PYROXD1: variants seen among roughly 807,000 people sequenced by gnomAD.
PYROXD1 encodes the protein pyridine nucleotide-disulphide oxidoreductase domain 1.
Under a neutral mutation model 62.0 loss-of-function variants are expected in PYROXD1, and 42 were observed. The ratio of observed to expected loss-of-function variants is 0.68; its 90% CI spans 0.53 to 0.88. The LOEUF (loss-of-function observed/expected upper bound fraction) is 0.88, where lower values mean the gene tolerates loss of function less well. PYROXD1 is among the 40% of genes least tolerant of loss of function. The pLI, the probability that PYROXD1 is intolerant of heterozygous loss-of-function variation, is 0.00. For missense variants in PYROXD1, 493 were observed against 604.8 expected, an observed-to-expected ratio of 0.82 and a Z score of 1.94; for synonymous variants, 170 against 206.4, an observed-to-expected ratio of 0.82 and a Z score of 1.51.
intron 7 of PYROXD1, among the ~76,000 whole-genome samples, chr12:21,456,691 A>G (rs1433107482): frequency 6.6e-6 from 1 of 152,138 alleles, no homozygotes; most frequent in African/African-American, 2.4e-5. Flanking sequence ...TTCTTAAAAT[A>G]ACAAGTTTGC....
At chr12:21,442,027 T>C (rs1591935743) in intron 2 of PYROXD1, among the ~76,000 whole-genome samples, 3 of 152,236 alleles carry the variant, frequency 2.0e-5, no homozygotes, top group East Asian at 3.8e-4. Flanking sequence ...CATCCAACTC[T>C]GGATGTCTGC....
At chr12:21,442,518 G>A (rs1277239016) in intron 2 of PYROXD1, among the ~76,000 whole-genome samples, 1 of 152,190 alleles carries the variant, frequency 6.6e-6, no homozygotes, top group Non-Finnish European at 1.5e-5. Context: ...AGCTTACTAT[G>A]GTGATGGCTC....
intron 10 of PYROXD1, among the ~76,000 whole-genome samples, chr12:21,464,929 T>G (rs1942764944): frequency 6.6e-6 from 1 of 152,162 alleles, no homozygotes. Flanking sequence ...GTTTGGTTTT[T>G]TGTCCTTGCA....
At chr12:21,438,035 A>G in intron 1 of PYROXD1, 1 of 577,396 alleles carries the variant, frequency 1.7e-6, no homozygotes, top group Non-Finnish European at 3.1e-6. Context: ...GGCAAATTAT[A>G]GCCGAGAAAC....
chr12:21,453,198 T>TAC (rs1942533999), intron 5 of PYROXD1, among the ~76,000 whole-genome samples: 1 of 152,116 alleles, frequency 6.6e-6, no homozygotes, highest in Non-Finnish European at 1.5e-5. Context: ...TAATTGTTAT[T>TAC]TACATTTAAA....
rs1461282509 is a variant in PYROXD1, at chr12:21,437,824, T to A, written c.84+10T>A. ...CACTTGTGCGGAGCAGGTAGGGCGG[T>A]GCTCAGGCGGTTCCGCCTCTTTCCC... On this transcript the variant is annotated intron_variant, in intron 1 of 11. Coordinates refer to ENST00000240651, the MANE Select transcript of PYROXD1 (RefSeq NM_024854.5). 1.9e-6 allele frequency: 3 copies of A among 1,609,582 alleles called. 1 individual carries two copies. The South Asian group carries it at 3.3e-5, about 18-fold the overall frequency.
chr12:21,443,704 T>A (rs1316073754), intron 2 of PYROXD1, among the ~76,000 whole-genome samples: 2 of 152,214 alleles, frequency 1.3e-5, no homozygotes, highest in African/African-American at 4.8e-5. Flanking sequence ...CAGTGAAGAC[T>A]ACTACCATAG....
chr12:21,456,778 T>G (rs896855884), intron 7 of PYROXD1: 2 of 413,450 alleles, frequency 4.8e-6, no homozygotes, highest in African/African-American at 4.1e-5. Context: ...TTGCCCAGAG[T>G]AGAAGTTCTT....
intron 7 of PYROXD1, among the ~76,000 whole-genome samples, chr12:21,457,811 A>ATCCAGTCACCTCCCACCAGGCCGTGCC (rs1942626438): frequency 6.7e-6 from 1 of 149,084 alleles, no homozygotes; most frequent in Non-Finnish European, 1.5e-5. Context: ...TGTCCCCATG[A>ATCCAGTCACCTCCCACCAGGCCGTGCC]TCCAGTCACC....
In PYROXD1 at chr12:21,446,831, C is replaced by T. The variant is rs188334500; in HGVS notation, c.285+1365C>T. Among the ~76,000 whole-genome samples, 10 of 152,104 alleles carry T rather than the reference C, an allele frequency of 6.6e-5. No individual in the cohort carries two copies. The East Asian group carries it at 1.6e-3, about 24-fold the overall frequency. The stretch of plus-strand genomic sequence containing the variant: ...TTTGGTGACTGAGGTGGGAAGATCA[C>T]CTGAGCCTGGGAGTTCAAGGCTGCA... On this transcript the variant is annotated intron_variant, in intron 3 of 11. Coordinates refer to ENST00000240651, the MANE Select transcript of PYROXD1 (RefSeq NM_024854.5).
intron 7 of PYROXD1, among the ~76,000 whole-genome samples, chr12:21,457,483 T>C (rs1387130009): frequency 6.6e-6 from 1 of 152,082 alleles, no homozygotes; most frequent in Non-Finnish European, 1.5e-5. Context: ...GCTTCAAATA[T>C]TCAGTAAACT....
At chr12:21,463,371 C>T (rs10770815) in intron 10 of PYROXD1, among the ~76,000 whole-genome samples, 74,858 of 151,888 alleles carry the variant, frequency 0.49, 18,503 homozygotes, top group Middle Eastern at 0.59. Flanking sequence ...CTTTATGATC[C>T]TATTCTGTCC....
At chr12:21,456,774 A>G in intron 7 of PYROXD1, 1 of 397,610 alleles carries the variant, frequency 2.5e-6, no homozygotes. Flanking sequence ...CATTTTGCCC[A>G]GAGTAGAAGT....
intron 3 of PYROXD1, chr12:21,448,293 A>T (rs1942430231): frequency 2.9e-6 from 1 of 345,800 alleles, no homozygotes; most frequent in African/African-American, 2.1e-5. Context: ...GAGGACGCAG[A>T]GTGTGTGGCT....
intron 3 of PYROXD1, 79 bp downstream of exon 3, chr12:21,445,545 T>C: frequency 7.4e-7 from 1 of 1,349,268 alleles, no homozygotes; most frequent in East Asian, 2.6e-5. Flanking sequence ...TCACTCCAGC[T>C]CTACTACCAC....
rs1297065625 is a variant in PYROXD1, at chr12:21,457,158, C to T, written c.750+1063C>T. 3 of 211,804 alleles carry T rather than the reference C, an allele frequency of 1.4e-5. No homozygotes were observed. The East Asian group carries it at 4.7e-4, about 33-fold the overall frequency. 13.1% of individuals were successfully genotyped at this position (211,804 alleles called of 1,614,324 possible). ...CTTACTCCCTTGAATCATGAATGTT[C>T]TTAATAACATCTAGAATGGTGAATT... is the stretch of plus-strand genomic sequence containing the variant. On this transcript the variant is annotated intron_variant, in intron 7 of 11. Transcript: ENST00000240651.
intron 5 of PYROXD1, among the ~76,000 whole-genome samples, chr12:21,453,821 ATTACT>A (rs1346795158): frequency 6.6e-6 from 1 of 152,082 alleles, no homozygotes; most frequent in Non-Finnish European, 1.5e-5. Context: ...ATAGTGTAAT[ATTACT>A]TTAAATTTAA....
chr12:21,460,867 A>G (rs1942684162), intron 7 of PYROXD1, 158 bp from the exon 8 acceptor site: 3 of 430,050 alleles, frequency 7.0e-6, no homozygotes. Context: ...TCATGTGCAT[A>G]GAGAGACTTA....
chr12:21,449,588 A>C lies in PYROXD1; in HGVS notation c.311A>C (p.Gln104Pro). The change falls in exon 4 of 12, where the codon CAG (glutamine) becomes CCG (proline). Residue 104 changes from glutamine to proline, a missense_variant. By Grantham distance (76) the Gln-to-Pro change is moderately conservative. Transcript: ENST00000240651. The part of the protein sequence containing the change: ...EHCIVTEDGN[Q>P]HVYKKLCLCA... The stretch of plus-strand genomic sequence containing the variant: ...TGCATTGTAACAGAAGATGGCAATC[A>C]GCACGTATATAAGAAACTCTGTCTG... The C allele has an allele frequency of 6.2e-7, 1 of 1,613,122 alleles. No individual in the cohort carries two copies. Among genetic ancestry groups the C allele is most frequent in the Non-Finnish European group, 8.5e-7 (1 of 1,179,538 alleles).
Sources: gnomAD v4.1 joint callset for allele counts (sites outside exome capture counted in the v4.1 genomes callset) on GRCh38, gnomAD v4.1.1 for gene constraint, MANE v1.5 for transcripts, NCBI Gene and HGNC (gene_info 2026-07-23, HGNC 2026-07-21) for gene names.